The following MYO3A variants were observed in gnomAD, a reference collection of about 807,000 sequenced individuals.
The protein encoded by MYO3A is myosin IIIA.
MYO3A carries 180 observed loss-of-function variants against 192.7 expected under a neutral mutation model. The observed-to-expected ratio is 0.93, with a 90% confidence interval of 0.83 to 1.06. MYO3A has a LOEUF of 1.06. Among genes scored for constraint, MYO3A ranks in the 50% least tolerant of loss-of-function variants. MYO3A has a pLI of 0.00. For missense variants in MYO3A, 1,896 were observed against 1,905.0 expected (o/e 1.00, Z 0.09); for synonymous variants, 628 against 645.3 (o/e 0.97, Z 0.41).
At position 26,170,465 on chromosome 10, in the gene MYO3A, GA is replaced by G; in HGVS notation, c.3329del (p.Asn1110ThrfsTer4). The G allele has an allele frequency of 6.2e-7, 1 of 1,613,532 alleles. No individual in the cohort carries two copies. The highest frequency in any genetic ancestry group is 8.5e-7 in the Non-Finnish European group (1 of 1,179,696). ...RKQRKEIVDM[K>X]NTAVTTIQTS... ...AACAAAGAAAAGAAATTGTTGACAT[GA>G]AAAACACAGCAGTAACAACCATTCA... On this transcript the variant is annotated frameshift_variant, in exon 29 of 35. Coordinates refer to ENST00000642920, the MANE Select transcript of MYO3A (RefSeq NM_017433.5). LOFTEE classifies it high-confidence loss of function.
chr10:26,066,581 A>T (rs1371269636), intron 10 of MYO3A, among the ~76,000 whole-genome samples: 1 of 152,248 alleles, frequency 6.6e-6, no homozygotes, highest in Non-Finnish European at 1.5e-5. Context: ...AATAGTAATT[A>T]AAAATGACCA....
intron 4 of MYO3A, among the ~76,000 whole-genome samples, chr10:25,992,376 G>A (rs2130868747): frequency 6.6e-6 from 1 of 152,336 alleles, no homozygotes; most frequent in East Asian, 1.9e-4. Flanking sequence ...CTGAGCCTTT[G>A]CTGAAGTTGC....
chr10:26,002,960 C>A (rs1007151304), intron 6 of MYO3A, among the ~76,000 whole-genome samples: 4 of 152,076 alleles, frequency 2.6e-5, no homozygotes, highest in African/African-American at 9.7e-5. Flanking sequence ...TCTGGTCTAT[C>A]ACTTTGTCAC....
At chr10:26,077,233 GTTT>G (rs34464120) in intron 14 of MYO3A, among the ~76,000 whole-genome samples, 2 of 36,284 alleles carry the variant, frequency 5.5e-5, no homozygotes, top group Non-Finnish European at 1.1e-4. Context: ...TATTCCTAAG[GTTT>G]TTTTTTTTTT....
At position 26,096,469 on chromosome 10, in the gene MYO3A, A is replaced by C; in HGVS notation, c.1651A>C (p.Lys551Gln). Residue 551 changes from lysine to glutamine, a missense_variant, in exon 16 of 35, where the codon AAG (lysine) becomes CAG (glutamine). Transcript: ENST00000642920. ...AGCCCATTACAAACTGCCTGAAAAT[A>C]AGCCTCCCAGGTAATCTACCAGGTT... ...KLAHYKLPENKPPRYLQNDHL... is the reference protein window; with the variant it reads ...KLAHYKLPENQPPRYLQNDHL... The C allele has an allele frequency of 1.2e-6, 2 of 1,613,240 alleles. No individual in the cohort carries two copies. Among genetic ancestry groups the C allele is most frequent in the Non-Finnish European group, 1.7e-6 (2 of 1,179,294 alleles).
At chr10:26,044,087 A>G (rs1843507218) in intron 10 of MYO3A, among the ~76,000 whole-genome samples, 5 of 152,174 alleles carry the variant, frequency 3.3e-5, no homozygotes, top group Admixed American at 1.3e-4. Flanking sequence ...CTTCTGGCCC[A>G]GGTTGAGTCT....
intron 4 of MYO3A, among the ~76,000 whole-genome samples, chr10:25,958,326 A>AGCAC (rs1837696441): frequency 6.6e-6 from 1 of 152,238 alleles, no homozygotes; most frequent in South Asian, 2.1e-4. Context: ...CAGTTATCCC[A>AGCAC]GCACCATTTA....
At chr10:25,961,448 T>C (rs1392421347) in intron 4 of MYO3A, among the ~76,000 whole-genome samples, 5 of 152,158 alleles carry the variant, frequency 3.3e-5, no homozygotes, top group Admixed American at 2.6e-4. Context: ...GAATATCTTA[T>C]AAGTAAAGCA....
At chr10:25,954,783 T>C (rs947980504) in intron 3 of MYO3A, 91 bp from the exon 4 acceptor site, 1 of 1,368,918 alleles carries the variant, frequency 7.3e-7, no homozygotes, top group African/African-American at 1.4e-5. Flanking sequence ...CTTGACATAA[T>C]GAAATTCTGT....
chr10:26,147,323 A>T, intron 22 of MYO3A, 107 bp from the exon 23 acceptor site: 2 of 1,197,196 alleles, frequency 1.7e-6, no homozygotes, highest in Non-Finnish European at 2.5e-6. Context: ...GTTGCTGAAC[A>T]TAGAGTAAGC....
At chr10:26,061,635 C>A (rs1238240950) in intron 10 of MYO3A, among the ~76,000 whole-genome samples, 1 of 152,120 alleles carries the variant, frequency 6.6e-6, no homozygotes, top group African/African-American at 2.4e-5. Context: ...TTAAGTTGTA[C>A]CATAGAAGAT....
chr10:26,026,383 G>C lies in MYO3A; in HGVS notation c.804G>C (p.Leu268Phe), dbSNP rs771755599. The C allele has an allele frequency of 1.9e-6, 3 of 1,614,060 alleles. No homozygotes were observed. Among genetic ancestry groups the C allele is most frequent in the Non-Finnish European group, 1.7e-6 (2 of 1,180,004 alleles). The change falls in exon 10 of 35, where the codon TTG becomes TTC. Residue 268 changes from leucine to phenylalanine, a missense_variant. Coordinates refer to ENST00000642920, the MANE Select transcript of MYO3A (RefSeq NM_017433.5). The stretch of plus-strand genomic sequence containing the variant: ...TTCTTTTTTGCCAGTGCAGGTGCTT[G>C]ACTAAAGATTATGAAAAGCGTCCAA... ...AEFNDFISKC[L>F]TKDYEKRPTV...
At chr10:26,210,090 T>G (rs1589130470) in intron 34 of MYO3A, among the ~76,000 whole-genome samples, 2 of 115,256 alleles carry the variant, frequency 1.7e-5, no homozygotes, top group African/African-American at 3.6e-5. Flanking sequence ...GGTGACAGAG[T>G]GAGAAAGAGC....
intron 22 of MYO3A, among the ~76,000 whole-genome samples, chr10:26,146,008 C>A: frequency 6.6e-6 from 1 of 152,194 alleles, no homozygotes; most frequent in East Asian, 1.9e-4. Flanking sequence ...TCTCTCTCTA[C>A]TGCACTCTTT....
chr10:26,094,719 C>T (rs762134817), intron 15 of MYO3A, among the ~76,000 whole-genome samples: 38 of 152,114 alleles, frequency 2.5e-4, no homozygotes, highest in Non-Finnish European at 1.3e-4. Context: ...CCACCGCACG[C>T]GGCAAGAATG....
chr10:26,001,793 G>T (rs1488874697), intron 6 of MYO3A, among the ~76,000 whole-genome samples: 4 of 152,158 alleles, frequency 2.6e-5, no homozygotes, highest in Non-Finnish European at 5.9e-5. Context: ...GCCAGACTGG[G>T]CAATATAGCA....
intron 14 of MYO3A, among the ~76,000 whole-genome samples, chr10:26,081,236 C>T (rs1236546983): frequency 1.4e-5 from 2 of 146,996 alleles, no homozygotes; most frequent in East Asian, 2.1e-4. Flanking sequence ...GCGGGTCTTG[C>T]TGTGGCTGCT....
In MYO3A at chr10:26,211,959, C is replaced by G; in HGVS notation, c.4847C>G (p.Ser1616Cys). 2 of 1,612,324 alleles carry G rather than the reference C, an allele frequency of 1.2e-6. No individual in the cohort carries two copies. Among genetic ancestry groups the G allele is most frequent in the South Asian group, 2.2e-5 (2 of 90,998 alleles). The change falls in exon 35 of 35, where the codon TCC (serine) becomes TGC (cysteine). Residue 1616 changes from serine to cysteine, a missense_variant. By Grantham distance (112) the Ser-to-Cys change is moderately radical. Transcript: ENST00000642920. Reference sequence around the variant, plus strand: ...CAGCGCCGGCGCCTCGTCCAGCAGTCCTAACCGTTCAACGAGGCAGTCACC... The same window carrying G: ...CAGCGCCGGCGCCTCGTCCAGCAGTGCTAACCGTTCAACGAGGCAGTCACC... ...TSQRRRLVQQ[S>C]
chr10:26,132,453 C>T (rs888449606), intron 20 of MYO3A, among the ~76,000 whole-genome samples: 3 of 152,156 alleles, frequency 2.0e-5, no homozygotes, highest in Non-Finnish European at 2.9e-5. Flanking sequence ...GGAGTACATA[C>T]CAAGGACTGG....
Sources: allele counts gnomAD v4.1 joint callset (sites outside exome capture counted in the v4.1 genomes callset), GRCh38; gene constraint gnomAD v4.1.1; transcripts MANE v1.5; gene names NCBI Gene and HGNC (gene_info 2026-07-23, HGNC 2026-07-21).